Variants in PPP2R3A observed in about 807,000 individuals in gnomAD.
PPP2R3A encodes protein phosphatase 2 regulatory subunit B''alpha.
In PPP2R3A, 80 loss-of-function variants were observed where a neutral mutation model predicts 106.9. The ratio of observed to expected loss-of-function variants is 0.75; its 90% confidence interval spans 0.62 to 0.90. The LOEUF (loss-of-function observed/expected upper bound fraction) is 0.90, where lower values mean the gene tolerates loss of function less well. Ranked by LOEUF, PPP2R3A falls within the 40% of genes least tolerant of loss-of-function variation. The pLI, the probability that PPP2R3A is intolerant of heterozygous loss-of-function variation, is 0.00. For missense variants in PPP2R3A, 1,386 were observed against 1,350.4 expected (o/e 1.03, Z -0.41); for synonymous variants, 483 against 468.3 (o/e 1.03, Z -0.41).
At chr3:136,055,475 CT>C (rs1281904876) in intron 5 of PPP2R3A, 2 of 1,145,034 alleles carry the variant, frequency 1.7e-6, no homozygotes, top group East Asian at 4.7e-5. Context: ...ACAGCTCTTT[CT>C]GGATACAGAG....
Position 136,002,462 on chromosome 3 carries a change from T to C in PPP2R3A, c.964T>C (p.Phe322Leu), listed in dbSNP as rs1467398647. ...TATGCCTAGCTTACAACTGACTCCC[T>C]TCTCCCCAGTGTTTGGCACTGAACA... is the stretch of plus-strand genomic sequence containing the variant. ...SNMPSLQLTP[F>L]SPVFGTEQPP... Residue 322 changes from phenylalanine (F) to leucine (L), a missense_variant, in exon 2 of 14, where the codon TTC becomes CTC. Phe to Leu is a conservative substitution (Grantham distance 22). Coordinates refer to ENST00000264977, the MANE Select transcript of PPP2R3A (RefSeq NM_002718.5). The C allele has an allele frequency of 6.2e-7, 1 of 1,614,084 alleles. No homozygotes were observed. The highest frequency in any genetic ancestry group is 1.1e-5 in the South Asian group (1 of 91,074).
At chr3:136,089,672 G>A (rs1001943732) in intron 9 of PPP2R3A, among the ~76,000 whole-genome samples, 2 of 147,828 alleles carry the variant, frequency 1.4e-5, no homozygotes, top group Non-Finnish European at 3.0e-5. Context: ...GAATAACATT[G>A]AATCTGTAGA....
In PPP2R3A at chr3:136,021,864, CTTATA is replaced by C. The variant is rs138715050; in HGVS notation, c.1996-4965_1996-4961del. Reference sequence around the variant, plus strand: ...GAGTATAACAGCTATTTACATAATACTTATATTGTATTAAGTATTACAAGTAATCT... The same window carrying C: ...GAGTATAACAGCTATTTACATAATACTTGTATTAAGTATTACAAGTAATCT... On this transcript the variant is annotated intron_variant, in intron 2 of 13. Coordinates refer to ENST00000264977, the MANE Select transcript of PPP2R3A (RefSeq NM_002718.5). Among the ~76,000 whole-genome samples, 1,357 of 151,906 alleles carry C rather than the reference CTTATA, an allele frequency of 8.9e-3. 85 individuals carry two copies. Among genetic ancestry groups the C allele is most frequent in the Admixed American group, 0.074 (1,130 of 15,228 alleles).
At chr3:136,129,919 G>A (rs1473436295) in intron 13 of PPP2R3A, among the ~76,000 whole-genome samples, 1 of 152,094 alleles carries the variant, frequency 6.6e-6, no homozygotes, top group African/African-American at 2.4e-5. Flanking sequence ...AAAACCACAC[G>A]ATTATCTCAA....
intron 5 of PPP2R3A, among the ~76,000 whole-genome samples, chr3:136,064,213 A>G (rs1576474160): frequency 6.9e-6 from 1 of 144,658 alleles, no homozygotes; most frequent in South Asian, 2.2e-4. Context: ...TGGGAATTGA[A>G]CAATGAGAAC....
At chr3:136,091,032 A>G (rs1315058469) in intron 10 of PPP2R3A, among the ~76,000 whole-genome samples, 1 of 152,232 alleles carries the variant, frequency 6.6e-6, no homozygotes, top group Non-Finnish European at 1.5e-5. Context: ...CAAATTGTGG[A>G]TGACTAGTAT....
chr3:136,002,144 G>A lies in PPP2R3A; in HGVS notation c.646G>A (p.Glu216Lys). Residue 216 changes from glutamate (E) to lysine (K), a missense_variant, in exon 2 of 14, where the codon GAA (glutamate) becomes AAA (lysine). Physicochemically the swap from Glu to Lys is moderately conservative, Grantham distance 56. Transcript: ENST00000264977. ...AGAAGACTTGGTTACTCAGATTTTG[G>A]AAAAACATAAAATAGATAATTTTTC... ...SEEDLVTQIL[E>K]KHKIDNFSSG... 1 of 1,613,794 alleles carries A rather than the reference G, an allele frequency of 6.2e-7. No homozygotes were observed. The highest frequency in any genetic ancestry group is 8.5e-7 in the Non-Finnish European group (1 of 1,179,950).
chr3:136,007,342 C>T (rs1025649118), intron 2 of PPP2R3A, among the ~76,000 whole-genome samples: 2 of 152,220 alleles, frequency 1.3e-5, no homozygotes, highest in African/African-American at 4.8e-5. Context: ...GGAAACCGCT[C>T]CCTTGCCTGA....
At chr3:136,032,558 C>T (rs1244845309) in intron 3 of PPP2R3A, among the ~76,000 whole-genome samples, 2 of 150,108 alleles carry the variant, frequency 1.3e-5, no homozygotes, top group South Asian at 2.1e-4. Flanking sequence ...GACGGAGTCT[C>T]GCTCTGTCGC....
rs747308774 is a variant in PPP2R3A, at chr3:136,027,049, A to G, written c.2213A>G (p.Asp738Gly). 1.8e-4 allele frequency: 283 copies of G among 1,613,436 alleles called. No homozygotes were observed. The highest frequency in any genetic ancestry group is 2.3e-4 in the Non-Finnish European group (275 of 1,179,580). Residue 738 changes from aspartate (D) to glycine (G), a missense_variant, in exon 3 of 14, where the codon GAT (aspartate) becomes GGT (glycine). Transcript: ENST00000264977. ...TLSRIETAFM[D>G]IEEQKADIYE... ...AGCAGAATTGAAACTGCTTTCATGG[A>G]TATTGAAGAACAGAAAGCAGACATT...
At chr3:136,059,695 T>G (rs1400503414) in intron 5 of PPP2R3A, among the ~76,000 whole-genome samples, 1 of 152,170 alleles carries the variant, frequency 6.6e-6, no homozygotes, top group Admixed American at 6.5e-5. Flanking sequence ...ATTGCAGCAC[T>G]GTTCACAATA....
At chr3:136,065,172 TA>T (rs1285265712) in intron 5 of PPP2R3A, among the ~76,000 whole-genome samples, 11 of 152,260 alleles carry the variant, frequency 7.2e-5, no homozygotes, top group South Asian at 4.1e-4. Flanking sequence ...AATATTGGGA[TA>T]GGGGAGTAAA....
At chr3:136,118,927 A>G (rs1189448307) in intron 13 of PPP2R3A, among the ~76,000 whole-genome samples, 1 of 152,210 alleles carries the variant, frequency 6.6e-6, no homozygotes, top group Non-Finnish European at 1.5e-5. Context: ...ATCCTAAGCA[A>G]AAAGAACAAA....
intron 3 of PPP2R3A, among the ~76,000 whole-genome samples, chr3:136,034,538 T>C (rs1436430561): frequency 6.6e-6 from 1 of 152,210 alleles, no homozygotes; most frequent in Non-Finnish European, 1.5e-5. Context: ...GTTTTGAGGG[T>C]TCCTTTTGGA....
chr3:136,147,687 C>G lies in PPP2R3A; in HGVS notation c.*2521C>G. The G allele has an allele frequency of 6.6e-6, 1 of 152,330 alleles. No homozygotes were observed. The highest frequency in any genetic ancestry group is 1.5e-5 in the Non-Finnish European group (1 of 68,030). 9.4% of individuals were successfully genotyped at this position (152,330 alleles called of 1,614,324 possible). The stretch of plus-strand genomic sequence containing the variant: ...ATTCAATGAGAAATGAGTTTAATAG[C>G]ATAACATTACCAAGGTAATCAAACT... On this transcript the variant is annotated 3_prime_UTR_variant, in exon 14 of 14. Coordinates refer to ENST00000264977, the MANE Select transcript of PPP2R3A (RefSeq NM_002718.5).
chr3:136,059,561 C>T (rs1936005664), intron 5 of PPP2R3A, among the ~76,000 whole-genome samples: 1 of 152,176 alleles, frequency 6.6e-6, no homozygotes, highest in Non-Finnish European at 1.5e-5. Context: ...TTATGGAAGA[C>T]AGTGTGGCAA....
At chr3:136,019,015 A>C (rs1485786293) in intron 2 of PPP2R3A, among the ~76,000 whole-genome samples, 3 of 152,200 alleles carry the variant, frequency 2.0e-5, no homozygotes, top group Non-Finnish European at 4.4e-5. Flanking sequence ...AGCAGAGAGC[A>C]CCAGTCTTTT....
rs1048064518 is a variant in PPP2R3A at position 136,146,675 on chromosome 3, G to A, written c.*1509G>A. The A allele has an allele frequency of 6.6e-6, 1 of 151,934 alleles. No individual in the cohort carries two copies. The highest frequency in any genetic ancestry group is 1.9e-4 in the East Asian group (1 of 5,186). The allele number at this position is 151,934 out of a possible 1,614,324, so 9.4% of individuals were successfully genotyped here. A position where few individuals can be genotyped will look rare whatever the true frequency, so the allele number is the denominator to read the frequency against. ...ACTATTACAGAAAGCAGTAACTATT[G>A]CAACTATCTAATAGTTCACACAAAA... On this transcript the variant is annotated 3_prime_UTR_variant, in exon 14 of 14. Transcript: ENST00000264977.
intron 6 of PPP2R3A, among the ~76,000 whole-genome samples, chr3:136,073,420 G>A (rs1936501966): frequency 1.3e-5 from 2 of 152,308 alleles, no homozygotes; most frequent in Middle Eastern, 3.4e-3. Flanking sequence ...AATTATCTCT[G>A]CTGTAATATT....
Sources: gnomAD v4.1 joint callset for allele counts (sites outside exome capture counted in the v4.1 genomes callset) on GRCh38, gnomAD v4.1.1 for gene constraint, MANE v1.5 for transcripts, NCBI Gene and HGNC (gene_info 2026-07-23, HGNC 2026-07-21) for gene names.